Variants in LRMDA observed in about 807,000 individuals in gnomAD.
LRMDA encodes the protein leucine-rich melanocyte differentiation-associated protein.
A neutral mutation model predicts 29.8 loss-of-function variants in LRMDA; 18 were observed. The observed-to-expected ratio is 0.60, with a 90% CI of 0.42 to 0.90. The LOEUF (loss-of-function observed/expected upper bound fraction) is 0.90, where lower values mean the gene tolerates loss of function less well. Among genes scored for constraint, LRMDA ranks in the 40% least tolerant of loss-of-function variants. LRMDA has a pLI of 0.00. For synonymous variants in LRMDA, 125 were observed against 109.4 expected, an observed-to-expected ratio of 1.14 and a Z score of -0.89; for missense variants, 273 against 273.9, an observed-to-expected ratio of 1.00 and a Z score of 0.02.
chr10:75,504,150 C>G (rs1414562834), intron 2 of LRMDA, among the ~76,000 whole-genome samples: 1 of 151,716 alleles, frequency 6.6e-6, no homozygotes, highest in Non-Finnish European at 1.5e-5. Flanking sequence ...CTGAGTAGTG[C>G]CTGGGTAATG....
At chr10:75,494,841 C>G (rs142140756) in intron 2 of LRMDA, among the ~76,000 whole-genome samples, 59 of 152,262 alleles carry the variant, frequency 3.9e-4, no homozygotes, top group African/African-American at 1.1e-3. Flanking sequence ...TAGAGGCTGA[C>G]AGCCTAGGGC....
At chr10:75,895,664 T>C (rs543180952) in intron 2 of LRMDA, among the ~76,000 whole-genome samples, 1 of 152,300 alleles carries the variant, frequency 6.6e-6, no homozygotes, top group South Asian at 2.1e-4. Context: ...GCTGGAATAG[T>C]GTGAGCATGC....
chr10:76,052,434 T>C (rs1848545011), intron 4 of LRMDA, among the ~76,000 whole-genome samples: 1 of 151,616 alleles, frequency 6.6e-6, no homozygotes, highest in Non-Finnish European at 1.5e-5. Context: ...GCCATTGCCC[T>C]GGGGGGAGCA....
intron 2 of LRMDA, among the ~76,000 whole-genome samples, chr10:75,853,463 T>TGG (rs1301346737): frequency 6.7e-6 from 1 of 150,208 alleles, no homozygotes; most frequent in East Asian, 1.9e-4. Flanking sequence ...TGTGTGTGTG[T>TGG]GTGGTCACAT....
At chr10:75,470,340 C>A (rs1000430259) in intron 2 of LRMDA, among the ~76,000 whole-genome samples, 2 of 152,088 alleles carry the variant, frequency 1.3e-5, no homozygotes, top group Admixed American at 6.5e-5. Context: ...CTACTAAAAA[C>A]ACAAAAATTA....
intron 5 of LRMDA, among the ~76,000 whole-genome samples, chr10:76,261,323 C>T (rs894856319): frequency 6.6e-6 from 1 of 151,976 alleles, no homozygotes; most frequent in Non-Finnish European, 1.5e-5. Flanking sequence ...CTGCCTGCCT[C>T]GGCCTCCCAA....
intron 2 of LRMDA, among the ~76,000 whole-genome samples, chr10:75,511,684 T>A (rs562428007): frequency 2.0e-5 from 3 of 152,318 alleles, no homozygotes; most frequent in African/African-American, 4.8e-5. Context: ...TTTAACCAGT[T>A]GAACCAGGAA....
chr10:75,819,839 G>A (rs932177624), intron 2 of LRMDA, among the ~76,000 whole-genome samples: 1 of 152,162 alleles, frequency 6.6e-6, no homozygotes, highest in African/African-American at 2.4e-5. Context: ...AGCCATATGT[G>A]ACTATTGAGC....
chr10:75,553,432 C>T (rs924663082), intron 2 of LRMDA, among the ~76,000 whole-genome samples: 3 of 152,124 alleles, frequency 2.0e-5, no homozygotes, highest in African/African-American at 7.2e-5. Context: ...TGCTGTTGCC[C>T]CTCTTTGAGG....
At chr10:76,513,588 G>C (rs1357978058) in intron 6 of LRMDA, among the ~76,000 whole-genome samples, 2 of 152,162 alleles carry the variant, frequency 1.3e-5, no homozygotes, top group African/African-American at 4.8e-5. Context: ...AGTAGAGTTT[G>C]AATTAGCCCT....
chr10:75,968,876 T>C (rs1846914824), intron 2 of LRMDA, among the ~76,000 whole-genome samples: 1 of 152,222 alleles, frequency 6.6e-6, no homozygotes, highest in South Asian at 2.1e-4. Context: ...TATAGCTGTT[T>C]ATGTGGCTAT....
intron 2 of LRMDA, among the ~76,000 whole-genome samples, chr10:75,917,818 C>T (rs1015066909): frequency 3.9e-5 from 6 of 152,168 alleles, no homozygotes; most frequent in African/African-American, 1.2e-4. Context: ...CTATAAGTCT[C>T]GGTTTCTTTC....
intron 2 of LRMDA, among the ~76,000 whole-genome samples, chr10:75,726,363 A>G (rs1842631311): frequency 6.6e-6 from 1 of 152,222 alleles, no homozygotes; most frequent in African/African-American, 2.4e-5. Context: ...ATGCTCTCCC[A>G]TGTAATTTTG....
intron 2 of LRMDA, among the ~76,000 whole-genome samples, chr10:75,668,663 A>G (rs568427358): frequency 3.3e-4 from 50 of 152,268 alleles, no homozygotes; most frequent in Middle Eastern, 3.4e-3. Context: ...ATTAATTCTG[A>G]AGGGAGTAGG....
At chr10:76,154,197 C>T (rs1471015191) in intron 5 of LRMDA, among the ~76,000 whole-genome samples, 1 of 152,146 alleles carries the variant, frequency 6.6e-6, no homozygotes, top group African/African-American at 2.4e-5. Context: ...AGTTCTGACT[C>T]CTTCTGATGG....
At chr10:76,359,984 T>A (rs565802211) in intron 6 of LRMDA, among the ~76,000 whole-genome samples, 1 of 152,192 alleles carries the variant, frequency 6.6e-6, no homozygotes, top group East Asian at 1.9e-4. Flanking sequence ...GTGGCATTTC[T>A]TTTTCTTTTG....
chr10:76,173,321 A>T (rs1482938754), intron 5 of LRMDA, among the ~76,000 whole-genome samples: 1 of 152,200 alleles, frequency 6.6e-6, no homozygotes, highest in East Asian at 1.9e-4. Flanking sequence ...CAAAGTTATC[A>T]GAAGAAGAAA....
chr10:76,284,241 C>CA (rs1227780222), intron 5 of LRMDA, among the ~76,000 whole-genome samples: 1 of 152,126 alleles, frequency 6.6e-6, no homozygotes, highest in African/African-American at 2.4e-5. Flanking sequence ...GGTTATTCTG[C>CA]ATTATCCAGG....
At chr10:76,324,080 G>C (rs1043276689) in intron 5 of LRMDA, among the ~76,000 whole-genome samples, 1 of 152,140 alleles carries the variant, frequency 6.6e-6, no homozygotes, top group African/African-American at 2.4e-5. Flanking sequence ...CTGGGTGAAG[G>C]CCTGATAGAA....
Sources: gnomAD v4.1 joint callset for allele counts (sites outside exome capture counted in the v4.1 genomes callset) on GRCh38, gnomAD v4.1.1 for gene constraint, MANE v1.5 for transcripts, NCBI Gene and HGNC (gene_info 2026-07-23, HGNC 2026-07-21) for gene names.